The following PEAK1 variants were observed in gnomAD, a reference collection of about 807,000 sequenced individuals.
PEAK1 encodes inactive tyrosine-protein kinase PEAK1.
Under a neutral mutation model 124.7 loss-of-function variants are expected in PEAK1, and 54 were observed. The ratio of observed to expected loss-of-function variants is 0.43; its 90% CI spans 0.35 to 0.54. The LOEUF (loss-of-function observed/expected upper bound fraction) is 0.54. Among genes scored for constraint, PEAK1 ranks in the 20% least tolerant of loss-of-function variants. The pLI, the probability that PEAK1 is intolerant of heterozygous loss-of-function variation, is 0.01. For synonymous variants in PEAK1, 719 were observed against 760.0 expected (o/e 0.95, Z 0.89); for missense variants, 2,046 against 2,134.5 (o/e 0.96, Z 0.82).
chr15:77,413,805 A>G (rs2072608589), intron 1 of PEAK1, among the ~76,000 whole-genome samples: 1 of 152,164 alleles, frequency 6.6e-6, no homozygotes, highest in African/African-American at 2.4e-5. Flanking sequence ...AACCCAGGTG[A>G]AGAGTATATA....
chr15:77,334,812 A>G (rs756138976), intron 2 of PEAK1: 1 of 985,248 alleles, frequency 1.0e-6, no homozygotes, highest in Non-Finnish European at 1.2e-6. Context: ...TGTAGTGTCT[A>G]ATTTGCTATT....
At chr15:77,300,453 CT>C (rs1278847800) in intron 2 of PEAK1, among the ~76,000 whole-genome samples, 2 of 152,060 alleles carry the variant, frequency 1.3e-5, no homozygotes, top group African/African-American at 4.8e-5. Context: ...CCTTTTCTTT[CT>C]TTTTTTAAAA....
In PEAK1 at chr15:77,133,871, C is replaced by CT; in HGVS notation, c.3332-122dup. 8.9e-7 allele frequency: 1 copy of CT among 1,120,780 alleles called. No homozygotes were observed. The highest frequency in any genetic ancestry group is 2.6e-5 in the East Asian group (1 of 37,824). 69.4% of individuals were successfully genotyped at this position (1,120,780 alleles called of 1,614,324 possible). ...ATGGGAATGTAAGAATAAGTCAACT[C>CT]TTTAGTTCAAAATGGGAAAAGAGAA... On this transcript the variant is annotated intron_variant, in intron 8 of 9. Transcript: ENST00000682557. This position sits in a 1 kb window ranked among gnomAD's most constrained non-coding sequence, Gnocchi z 4.2.
At chr15:77,145,933 G>A (rs2054146491) in intron 8 of PEAK1, among the ~76,000 whole-genome samples, 1 of 152,154 alleles carries the variant, frequency 6.6e-6, no homozygotes, top group African/African-American at 2.4e-5. Flanking sequence ...ACAAATGTTT[G>A]CTGAATAAAA....
intron 6 of PEAK1, among the ~76,000 whole-genome samples, chr15:77,231,943 T>G (rs748714013): frequency 3.9e-5 from 6 of 152,156 alleles, no homozygotes; most frequent in Non-Finnish European, 7.3e-5. Context: ...CAGTGAAATT[T>G]GAAAAACAAA....
intron 6 of PEAK1, among the ~76,000 whole-genome samples, chr15:77,241,930 T>C (rs947108074): frequency 2.0e-5 from 3 of 152,086 alleles, no homozygotes. Context: ...TTTAATACAA[T>C]TCCAATCAAA....
In PEAK1 at chr15:77,252,406, G is replaced by C. The variant is rs2060921383; in HGVS notation, c.-154C>G. The C allele has an allele frequency of 2.0e-6, 2 of 985,228 alleles. No individual in the cohort carries two copies. The highest frequency in any genetic ancestry group is 2.4e-6 in the Non-Finnish European group (2 of 829,912). 61.0% of individuals were successfully genotyped at this position (985,228 alleles called of 1,614,324 possible). A position where few individuals can be genotyped will look rare whatever the true frequency, so the allele number is the denominator to read the frequency against. On this transcript the variant is annotated 5_prime_UTR_variant, in exon 6 of 10. Coordinates refer to ENST00000682557, the MANE Select transcript of PEAK1 (RefSeq NM_001385026.1). ...GCACTTCATTCATTCTGGTGACAAA[G>C]GTGGTTTTAGCAGCTAGCAAAACAT...
chr15:77,392,360 CT>C (rs2070539923), intron 1 of PEAK1, among the ~76,000 whole-genome samples: 1 of 152,106 alleles, frequency 6.6e-6, no homozygotes, highest in African/African-American at 2.4e-5. Context: ...AGTAATACCT[CT>C]AATAGAATAA....
intron 2 of PEAK1, among the ~76,000 whole-genome samples, chr15:77,327,210 A>G (rs534964048): frequency 4.6e-5 from 7 of 152,158 alleles, no homozygotes; most frequent in Admixed American, 4.6e-4. Flanking sequence ...GATTGTCAAC[A>G]TGATGGTAAT....
Position 77,115,159 on chromosome 15 carries a change from T to A in PEAK1, c.4238A>T (p.Lys1413Met), listed in dbSNP as rs1434016610. ...AGTCTCTTCCATGTCATCCTCATCC[T>A]TTTCAGGGTCATCTGGATCCTCCCA... ...LPWEDPDDPE[K>M]DEDDMEETEE... Residue 1413 changes from lysine to methionine, a missense_variant, in exon 10 of 10, where the codon AAG (lysine) becomes ATG (methionine). Coordinates refer to ENST00000682557, the MANE Select transcript of PEAK1 (RefSeq NM_001385026.1). 2 of 1,614,168 alleles carry A rather than the reference T, an allele frequency of 1.2e-6. No homozygotes were observed. Among genetic ancestry groups the A allele is most frequent in the South Asian group, 2.2e-5 (2 of 91,088 alleles).
Position 77,181,438 on chromosome 15 carries a change from A to C in PEAK1, c.489T>G (p.Pro163=). ...LKEIAGLDTA[P]QIRGNETNSR... ...AGTTTGTTTCATTTCCTCTTATCTG[A>C]GGGGCAGTATCCAAGCCTGCTATCT... The change falls in exon 7 of 10, where the codon CCT becomes CCG. Residue 163 remains proline (P), a synonymous_variant. Transcript: ENST00000682557. The C allele has an allele frequency of 6.2e-7, 1 of 1,614,040 alleles. No individual in the cohort carries two copies.
intron 6 of PEAK1, among the ~76,000 whole-genome samples, chr15:77,249,343 A>G (rs536910706): frequency 9.2e-5 from 14 of 152,206 alleles, no homozygotes; most frequent in Non-Finnish European, 2.1e-4. Context: ...CTAATGAAAT[A>G]AACTTAGATA....
At chr15:77,320,987 ACTC>A (rs2065174644) in intron 2 of PEAK1, among the ~76,000 whole-genome samples, 1 of 151,922 alleles carries the variant, frequency 6.6e-6, no homozygotes, top group Non-Finnish European at 1.5e-5. Context: ...AAGGACATGA[ACTC>A]CTCATTTTTT....
intron 6 of PEAK1, 100 bp from the exon 7 acceptor site, chr15:77,182,140 T>G: frequency 2.2e-5 from 25 of 1,116,202 alleles, no homozygotes; most frequent in Non-Finnish European, 2.9e-5. Flanking sequence ...TCCTAAACTT[T>G]TCCTTAAATT....
intron 6 of PEAK1, among the ~76,000 whole-genome samples, chr15:77,230,206 T>A (rs973728543): frequency 4.7e-4 from 9 of 19,182 alleles, no homozygotes; most frequent in African/African-American, 1.1e-3. Flanking sequence ...GAGATAAGTC[T>A]TTTTTTTTTT....
chr15:77,419,577 G>A (rs1018902235), intron 1 of PEAK1: 1 of 985,114 alleles, frequency 1.0e-6, no homozygotes, highest in Non-Finnish European at 1.2e-6. Context: ...GTGTGGACCC[G>A]GCAGGAGCCA....
chr15:77,179,595 G>A lies in PEAK1; in HGVS notation c.2332C>T (p.Gln778Ter). 1 of 1,614,164 alleles carries A rather than the reference G, an allele frequency of 6.2e-7. No individual in the cohort carries two copies. Residue 778 changes from glutamine (Q) to a stop codon, truncating the protein, a stop_gained, in exon 7 of 10, where the codon CAG (glutamine) becomes TAG (stop). Transcript: ENST00000682557. LOFTEE classifies it high-confidence loss of function. ...GATTGAGGTGTTTCTGGAGGAGACT[G>A]TGGGGGTTGGATTGAAGCCACAATC... is the stretch of plus-strand genomic sequence containing the variant. ...SQIVASIQPP[Q>*]SPPETPQSGP...
intron 1 of PEAK1, among the ~76,000 whole-genome samples, chr15:77,383,616 T>C (rs2069673184): frequency 6.6e-6 from 1 of 152,198 alleles, no homozygotes; most frequent in African/African-American, 2.4e-5. Flanking sequence ...CCCAAGGCTA[T>C]ACTCAGTTAT....
intron 1 of PEAK1, chr15:77,402,941 T>C (rs1413804644): frequency 3.0e-6 from 3 of 985,302 alleles, no homozygotes; most frequent in Non-Finnish European, 3.6e-6. Flanking sequence ...AGCTTATGTT[T>C]TCATGAAGAT....
Sources: allele counts gnomAD v4.1 joint callset (sites outside exome capture counted in the v4.1 genomes callset), GRCh38; gene constraint gnomAD v4.1.1; non-coding constraint Gnocchi (gnomAD v3.1); transcripts MANE v1.5; gene names NCBI Gene and HGNC (gene_info 2026-07-23, HGNC 2026-07-21).